The following KPNA3 variants were observed in gnomAD, a reference collection of about 807,000 sequenced individuals.
KPNA3 encodes the protein importin subunit alpha-4.
Under a neutral mutation model 73.8 loss-of-function variants are expected in KPNA3, and 13 were observed. The ratio of observed to expected loss-of-function variants is 0.18; its 90% CI spans 0.11 to 0.28. The LOEUF (loss-of-function observed/expected upper bound fraction) is 0.28, where lower values mean the gene tolerates loss of function less well. Among genes scored for constraint, KPNA3 ranks in the 10% least tolerant of loss-of-function variants. The pLI is 1.00. For missense variants in KPNA3, 360 were observed against 618.1 expected, an observed-to-expected ratio of 0.58 and a Z score of 4.43; for synonymous variants, 186 against 206.9, an observed-to-expected ratio of 0.90 and a Z score of 0.87.
chr13:49,750,991 C>T (rs1289896610), intron 1 of KPNA3, among the ~76,000 whole-genome samples: 1 of 148,414 alleles, frequency 6.7e-6, no homozygotes, highest in African/African-American at 2.5e-5. Context: ...GATTCTGTCT[C>T]GAAAAAAAAA....
At chr13:49,756,916 A>AT (rs1267509208) in intron 1 of KPNA3, among the ~76,000 whole-genome samples, 1 of 152,192 alleles carries the variant, frequency 6.6e-6, no homozygotes, top group Non-Finnish European at 1.5e-5. Flanking sequence ...TATCCAACTG[A>AT]TTTTTTACAA....
chr13:49,754,226 G>A (rs939300390), intron 1 of KPNA3, among the ~76,000 whole-genome samples: 4 of 152,064 alleles, frequency 2.6e-5, no homozygotes, highest in Admixed American at 6.5e-5. Context: ...GCTTGAACCT[G>A]GGAGGTGGAG....
intron 6 of KPNA3, among the ~76,000 whole-genome samples, chr13:49,727,926 G>T (rs1302679438): frequency 6.6e-6 from 1 of 152,136 alleles, no homozygotes; most frequent in Non-Finnish European, 1.5e-5. Context: ...TTTACAAATG[G>T]TTAACTCCTT....
chr13:49,756,450 G>A (rs1954712696), intron 1 of KPNA3, among the ~76,000 whole-genome samples: 1 of 152,180 alleles, frequency 6.6e-6, no homozygotes. Context: ...CTAGTTACTT[G>A]GGAGGCTGAG....
At chr13:49,737,583 G>C (rs867720134) in intron 2 of KPNA3, among the ~76,000 whole-genome samples, 2 of 144,766 alleles carry the variant, frequency 1.4e-5, no homozygotes, top group Admixed American at 6.8e-5. Flanking sequence ...GTGTGTGTGT[G>C]TGTGTGTGTG....
intron 4 of KPNA3, 24 bp downstream of exon 4, chr13:49,732,723 G>GA (rs763611112): frequency 1.3e-6 from 2 of 1,582,948 alleles, no homozygotes; most frequent in South Asian, 1.1e-5. Flanking sequence ...ACTTCAAAAC[G>GA]AGAGTATTAA....
At chr13:49,732,068 G>T (rs1203120210) in intron 6 of KPNA3, among the ~76,000 whole-genome samples, 3 of 152,034 alleles carry the variant, frequency 2.0e-5, no homozygotes, top group Non-Finnish European at 2.9e-5. Context: ...CATTATTTGG[G>T]TTGTTTTAAA....
intron 1 of KPNA3, among the ~76,000 whole-genome samples, chr13:49,782,948 T>C (rs1036696332): frequency 6.6e-6 from 1 of 151,356 alleles, no homozygotes; most frequent in Non-Finnish European, 1.5e-5. Context: ...AAAAGAAACA[T>C]AGGGGCTACC....
chr13:49,736,816 C>T (rs1005023010), intron 2 of KPNA3, among the ~76,000 whole-genome samples: 15 of 152,184 alleles, frequency 9.9e-5, no homozygotes, highest in Admixed American at 5.9e-4. Context: ...CTTTTATAAG[C>T]AAAATCAACT....
intron 14 of KPNA3, 128 bp from the exon 15 acceptor site, chr13:49,705,911 T>G (rs1594427943): frequency 3.0e-6 from 3 of 1,005,946 alleles, no homozygotes; most frequent in Non-Finnish European, 4.3e-6. Flanking sequence ...TGTAGTGCGT[T>G]ATGGTCATGC....
At chr13:49,730,759 T>C (rs1594440146) in intron 6 of KPNA3, among the ~76,000 whole-genome samples, 3 of 86,770 alleles carry the variant, frequency 3.5e-5, no homozygotes, top group Non-Finnish European at 6.2e-5. Context: ...CCTAATGCTA[T>C]CCCTCCCCCC....
chr13:49,712,936 C>CT (rs1450817121), intron 10 of KPNA3, among the ~76,000 whole-genome samples: 1 of 149,558 alleles, frequency 6.7e-6, no homozygotes, highest in Non-Finnish European at 1.5e-5. Flanking sequence ...TCAAATCAAT[C>CT]TATCAACCTA....
intron 10 of KPNA3, among the ~76,000 whole-genome samples, chr13:49,719,216 C>T (rs1594434314): frequency 6.6e-6 from 1 of 152,086 alleles, no homozygotes; most frequent in South Asian, 2.1e-4. Context: ...AAATGCCTTG[C>T]ATTTAAAACT....
intron 6 of KPNA3, among the ~76,000 whole-genome samples, chr13:49,730,483 G>GCA (rs201703069): frequency 0.12 from 13,490 of 110,502 alleles, 1,716 homozygotes; most frequent in East Asian, 0.61. Flanking sequence ...TTGCACCACT[G>GCA]CACTCTACCC....
chr13:49,792,580 G>C lies in KPNA3; in HGVS notation c.-74C>G. The C allele has an allele frequency of 1.3e-6, 1 of 795,656 alleles. No individual in the cohort carries two copies. Among genetic ancestry groups the C allele is most frequent in the South Asian group, 1.5e-5 (1 of 65,144 alleles). 49.3% of individuals were successfully genotyped at this position (795,656 alleles called of 1,614,324 possible). A position where few individuals can be genotyped will look rare whatever the true frequency, so the allele number is the denominator to read the frequency against. Reference sequence around the variant, plus strand: ...CGGCGGCGAATCTTGGAGCGGGAGGGGGAGGAGGGGGAGAGCGGGAGGGGG... The same window carrying C: ...CGGCGGCGAATCTTGGAGCGGGAGGCGGAGGAGGGGGAGAGCGGGAGGGGG... On this transcript the variant is annotated 5_prime_UTR_variant, in exon 1 of 17. Coordinates refer to ENST00000261667, the MANE Select transcript of KPNA3 (RefSeq NM_002267.4).
intron 12 of KPNA3, among the ~76,000 whole-genome samples, chr13:49,706,849 C>T (rs112382494): frequency 0.061 from 9,342 of 151,976 alleles, 349 homozygotes; most frequent in South Asian, 0.11. Context: ...CCCGGGTTCA[C>T]GCCATTCTCC....
intron 8 of KPNA3, 96 bp from the exon 9 acceptor site, chr13:49,722,220 A>C: frequency 2.3e-6 from 2 of 865,980 alleles, no homozygotes; most frequent in Non-Finnish European, 3.4e-6. Context: ...CTGACGTTCT[A>C]TGTTTCCTCA....
intron 1 of KPNA3, among the ~76,000 whole-genome samples, chr13:49,760,387 C>A (rs1286084994): frequency 1.3e-5 from 2 of 148,956 alleles, no homozygotes; most frequent in African/African-American, 5.0e-5. Context: ...TGCACTCCAG[C>A]CTGGGTGACA....
intron 6 of KPNA3, 141 bp from the exon 7 acceptor site, chr13:49,725,642 C>T: frequency 2.0e-6 from 1 of 509,296 alleles, no homozygotes; most frequent in South Asian, 3.4e-5. Flanking sequence ...GCTAGCCAAC[C>T]CTACTTTTTT....
Sources: gnomAD v4.1 joint callset for allele counts (sites outside exome capture counted in the v4.1 genomes callset) on GRCh38, gnomAD v4.1.1 for gene constraint, MANE v1.5 for transcripts, NCBI Gene and HGNC (gene_info 2026-07-23, HGNC 2026-07-21) for gene names.